Variants in IFFO1 observed in about 807,000 individuals in gnomAD.
IFFO1 encodes intermediate filament family orphan 1, also known as non-homologous end joining factor IFFO1.
In IFFO1, 42 loss-of-function variants were observed where a neutral mutation model predicts 59.6. The ratio of observed to expected loss-of-function variants is 0.70; its 90% CI spans 0.55 to 0.91. The LOEUF is 0.91. IFFO1 is among the 40% of genes least tolerant of loss of function. The pLI, the probability that IFFO1 is intolerant of heterozygous loss-of-function variation, is 0.00. For missense variants in IFFO1, 711 were observed against 793.2 expected (o/e 0.90, Z 1.24); for synonymous variants, 336 against 342.8 (o/e 0.98, Z 0.22).
In IFFO1 at chr12:6,545,698, G is replaced by GAAA. The variant is rs375842023; in HGVS notation, c.1479+2366_1479+2367insTTT. On this transcript the variant is annotated intron_variant, in intron 8 of 9. Coordinates refer to ENST00000619571, the MANE Select transcript of IFFO1 (RefSeq NM_001193457.2). ...GGGTGACACAGCGAGACTCCGTCTCGGAAAAAAAAAAAAAAACCTCACTCT... is the reference window on the plus strand; with the variant it reads ...GGGTGACACAGCGAGACTCCGTCTCGAAAGAAAAAAAAAAAAAAACCTCACTCT... Among the ~76,000 whole-genome samples, 61 of 122,106 alleles carry GAAA rather than the reference G, an allele frequency of 5.0e-4. 3 individuals are homozygous for GAAA. Among genetic ancestry groups the GAAA allele is most frequent in the Admixed American group, 6.1e-4 (8 of 13,138 alleles). 80.1% of individuals were successfully genotyped at this position (122,106 alleles called of 152,430 possible).
intron 8 of IFFO1, among the ~76,000 whole-genome samples, chr12:6,544,191 G>C (rs969321629): frequency 6.8e-6 from 1 of 146,086 alleles, no homozygotes; most frequent in African/African-American, 2.5e-5. Flanking sequence ...TCCTGAGATG[G>C]AATCTTGCTC....
intron 3 of IFFO1, 51 bp downstream of exon 3, chr12:6,550,644 T>C (rs1431283352): frequency 1.5e-5 from 21 of 1,428,676 alleles, no homozygotes; most frequent in Non-Finnish European, 2.0e-5. Flanking sequence ...CCTACTCTTC[T>C]GGCCTCAGAA....
chr12:6,554,099 A>C (rs192705278), intron 1 of IFFO1, among the ~76,000 whole-genome samples: 1 of 150,656 alleles, frequency 6.6e-6, no homozygotes, highest in African/African-American at 2.4e-5. Context: ...AAAAAAAAAG[A>C]AAGCCTGCTG....
chr12:6,549,766 T>G lies in IFFO1; in HGVS notation c.1061A>C (p.Gln354Pro). 1 of 1,613,478 alleles carries G rather than the reference T, an allele frequency of 6.2e-7. No individual in the cohort carries two copies. The highest frequency in any genetic ancestry group is 8.5e-7 in the Non-Finnish European group (1 of 1,179,460). The change falls in exon 4 of 10, where the codon CAG becomes CCG. Residue 354 changes from glutamine to proline, a missense_variant. Transcript: ENST00000619571. The surrounding 1 kb of genome is among the most constrained non-coding windows in gnomAD (Gnocchi z 5.0). ...AQQRNCEDMI[Q>P]MFQKKLSLHL... ...CAGCTCCGTCCTCACCTGGAACATCTGGATCATGTCCTCGCAGTTGCGCTG... is the reference window on the plus strand; with the variant it reads ...CAGCTCCGTCCTCACCTGGAACATCGGGATCATGTCCTCGCAGTTGCGCTG...
chr12:6,544,556 G>A (rs2136104271), intron 8 of IFFO1, among the ~76,000 whole-genome samples: 1 of 152,314 alleles, frequency 6.6e-6, no homozygotes, highest in South Asian at 2.1e-4. Flanking sequence ...GAGGTCCAGG[G>A]AAGACTAGGG....
At position 6,548,900 on chromosome 12, in the gene IFFO1, C is replaced by A; in HGVS notation, c.1081-51G>T. On this transcript the variant is annotated intron_variant, in intron 5 of 9. Transcript: ENST00000619571. The surrounding 1 kb of genome is among the most constrained non-coding windows in gnomAD (Gnocchi z 6.1). ...AGGAGAAAGGGCGGGAGCGGGAGGC[C>A]GGGCAGAGAGGGTGGGAATGGGGGA... is the stretch of plus-strand genomic sequence containing the variant. 2 of 1,507,140 alleles carry A rather than the reference C, an allele frequency of 1.3e-6. No homozygotes were observed. The highest frequency in any genetic ancestry group is 1.8e-6 in the Non-Finnish European group (2 of 1,109,782). 93.4% of individuals were successfully genotyped at this position (1,507,140 alleles called of 1,614,324 possible).
Position 6,540,429 on chromosome 12 carries a change from G to T in IFFO1, c.*54C>A. 7.1e-7 allele frequency: 1 copy of T among 1,411,074 alleles called. No individual in the cohort carries two copies. Among genetic ancestry groups the T allele is most frequent in the Non-Finnish European group, 1.0e-6 (1 of 995,404 alleles). The allele number at this position is 1,411,074 out of a possible 1,614,324, so 87.4% of individuals were successfully genotyped here. A position where few individuals can be genotyped will look rare whatever the true frequency, so the allele number is the denominator to read the frequency against. The stretch of plus-strand genomic sequence containing the variant: ...TCCCCTCTGTGCAGCCCCACCCTCT[G>T]CCTCGCTGAGCTCCCTGCTGCGAGG... On this transcript the variant is annotated 3_prime_UTR_variant, in exon 10 of 10. Coordinates refer to ENST00000619571, the MANE Select transcript of IFFO1 (RefSeq NM_001193457.2).
intron 8 of IFFO1, among the ~76,000 whole-genome samples, chr12:6,544,403 A>G (rs937274959): frequency 6.6e-6 from 1 of 152,166 alleles, no homozygotes; most frequent in African/African-American, 2.4e-5. Flanking sequence ...TCCTGACCTC[A>G]AGTGATCTGC....
Position 6,549,554 on chromosome 12 carries a change from AAGGGAG to A in IFFO1, c.1072-76_1072-71del. ...AAGCAGACAGAGGAGAGAGAGGGGGAAGGGAGAGACGGCGTTAGAGACAGCTTCCAC... is the reference window on the plus strand; with the variant it reads ...AAGCAGACAGAGGAGAGAGAGGGGGAAGACGGCGTTAGAGACAGCTTCCAC... On this transcript the variant is annotated intron_variant, in intron 4 of 9. Transcript: ENST00000619571. This position sits in a 1 kb window ranked among gnomAD's most constrained non-coding sequence, Gnocchi z 5.0. 7.2e-7 allele frequency: 1 copy of A among 1,395,828 alleles called. No homozygotes were observed. The highest frequency in any genetic ancestry group is 1.0e-6 in the Non-Finnish European group (1 of 982,854). The allele number at this position is 1,395,828 out of a possible 1,614,324, so 86.5% of individuals were successfully genotyped here.
chr12:6,550,716 G>A lies in IFFO1; in HGVS notation c.909C>T (p.Val303=). 6.2e-7 allele frequency: 1 copy of A among 1,614,128 alleles called. No individual in the cohort carries two copies. The highest frequency in any genetic ancestry group is 8.5e-7 in the Non-Finnish European group (1 of 1,179,966). The part of the protein sequence containing the change: ...KVEQLKAELV[V]FKGLMSNNLS... ...TCACGTTACTCATGAGCCCCTTGAA[G>A]ACCACCAGCTCAGCCTTCAACTGTT... is the stretch of plus-strand genomic sequence containing the variant. The change falls in exon 3 of 10, where the codon GTC becomes GTT. Residue 303 remains valine, a synonymous_variant. Transcript: ENST00000619571.
In IFFO1 at chr12:6,541,386, C is replaced by T; in HGVS notation, c.1610+126G>A. On this transcript the variant is annotated intron_variant, in intron 9 of 9. Transcript: ENST00000619571. This position sits in a 1 kb window ranked among gnomAD's most constrained non-coding sequence, Gnocchi z 4.8. ...GGTCTGGGCCAGCCCCACCAGGTAACTCCCAAAGGGCAGCCCCACAGCAAG... is the reference window on the plus strand; with the variant it reads ...GGTCTGGGCCAGCCCCACCAGGTAATTCCCAAAGGGCAGCCCCACAGCAAG... 1 of 1,257,060 alleles carries T rather than the reference C, an allele frequency of 8.0e-7. No individual in the cohort carries two copies. The highest frequency in any genetic ancestry group is 1.1e-6 in the Non-Finnish European group (1 of 904,594). The allele number at this position is 1,257,060 out of a possible 1,614,324, so 77.9% of individuals were successfully genotyped here.
At position 6,548,911 on chromosome 12, in the gene IFFO1, G is replaced by C; in HGVS notation, c.1081-62C>G. On this transcript the variant is annotated intron_variant, in intron 5 of 9. Coordinates refer to ENST00000619571, the MANE Select transcript of IFFO1 (RefSeq NM_001193457.2). The surrounding 1 kb of genome is among the most constrained non-coding windows in gnomAD (Gnocchi z 6.1). ...CGGGAGCGGGAGGCCGGGCAGAGAG[G>C]GTGGGAATGGGGGAGAAGCATGAAC... The C allele has an allele frequency of 7.1e-7, 1 of 1,414,804 alleles. No individual in the cohort carries two copies. Among genetic ancestry groups the C allele is most frequent in the Non-Finnish European group, 9.7e-7 (1 of 1,031,766 alleles). The allele number at this position is 1,414,804 out of a possible 1,614,324, so 87.6% of individuals were successfully genotyped here. A position where few individuals can be genotyped will look rare whatever the true frequency, so the allele number is the denominator to read the frequency against.
chr12:6,554,539 G>A (rs1462632572), intron 1 of IFFO1, among the ~76,000 whole-genome samples: 1 of 152,216 alleles, frequency 6.6e-6, no homozygotes, highest in Non-Finnish European at 1.5e-5. Context: ...CGGCCTCGCG[G>A]TCCTAGGGAG....
rs766658338 is a variant in IFFO1, at chr12:6,541,539, C to A, written c.1583G>T (p.Arg528Leu). The change falls in exon 9 of 10, where the codon CGC (arginine) becomes CTC (leucine). Residue 528 changes from arginine (R) to leucine (L), a missense_variant. By Grantham distance (102) the Arg-to-Leu change is moderately radical. Transcript: ENST00000619571. This position sits in a 1 kb window ranked among gnomAD's most constrained non-coding sequence, Gnocchi z 4.8. ...RGLDVQMETCRRLITQSGDRK... is the reference protein window; with the variant it reads ...RGLDVQMETCLRLITQSGDRK... ...GTCTCCAGACTGGGTGATGAGCCGG[C>A]GGCAGGTCTCCATCTGCACGTCCAG... 26 of 1,614,060 alleles carry A rather than the reference C, an allele frequency of 1.6e-5. No individual in the cohort carries two copies. The highest frequency in any genetic ancestry group is 2.1e-5 in the Non-Finnish European group (25 of 1,180,028).
rs777085404 is a variant in IFFO1, at chr12:6,541,526, G to A, written c.1596C>T (p.Thr532=). Residue 532 remains threonine, a synonymous_variant, in exon 9 of 10, where the codon ACC becomes ACT. Transcript: ENST00000619571. This position sits in a 1 kb window ranked among gnomAD's most constrained non-coding sequence, Gnocchi z 4.8. ...GAGGCGCCTACCGGTCTCCAGACTG[G>A]GTGATGAGCCGGCGGCAGGTCTCCA... The part of the protein sequence containing the change: ...VQMETCRRLI[T]QSGDRKSPAF... The A allele has an allele frequency of 1.9e-6, 3 of 1,613,956 alleles. No individual in the cohort carries two copies. Among genetic ancestry groups the A allele is most frequent in the Admixed American group, 3.3e-5 (2 of 60,030 alleles).
At chr12:6,540,763 G>C (rs185201251) in intron 9 of IFFO1, among the ~76,000 whole-genome samples, 175 bp from the exon 10 acceptor site, 1 of 152,306 alleles carries the variant, frequency 6.6e-6, no homozygotes, top group Admixed American at 6.5e-5. Flanking sequence ...AACCCACCCT[G>C]ACAGGGAAAT....
intron 1 of IFFO1, among the ~76,000 whole-genome samples, chr12:6,552,473 G>A (rs1947273259): frequency 6.6e-6 from 1 of 152,204 alleles, no homozygotes; most frequent in Non-Finnish European, 1.5e-5. Flanking sequence ...GCCACTAAGG[G>A]AACCAGTCGC....
chr12:6,545,017 A>G (rs1946887919), intron 8 of IFFO1: 1 of 152,042 alleles, frequency 6.6e-6, no homozygotes, highest in Non-Finnish European at 1.5e-5. Context: ...GATCGAGACC[A>G]TCCTGGCTAA....
chr12:6,551,125 G>T, intron 1 of IFFO1, 124 bp from the exon 2 acceptor site: 1 of 943,020 alleles, frequency 1.1e-6, no homozygotes, highest in Non-Finnish European at 1.6e-6. Flanking sequence ...GGATGGGGAG[G>T]AGCAGGGCAC....
Sources: gnomAD v4.1 joint callset for allele counts (sites outside exome capture counted in the v4.1 genomes callset) on GRCh38, gnomAD v4.1.1 for gene constraint, Gnocchi (gnomAD v3.1) non-coding constraint, MANE v1.5 for transcripts, NCBI Gene and HGNC (gene_info 2026-07-23, HGNC 2026-07-21) for gene names.